The following TRPM3 variants were observed in gnomAD, a reference collection of about 807,000 sequenced individuals.
TRPM3 encodes long transient receptor potential channel 3.
A neutral mutation model predicts 181.2 loss-of-function variants in TRPM3; 77 were observed. That is an observed-to-expected ratio of 0.42 (90% CI 0.35 to 0.51). TRPM3 has a LOEUF of 0.51. Among genes scored for constraint, TRPM3 ranks in the 20% least tolerant of loss-of-function variants. The pLI is 0.01. For missense variants in TRPM3, 1,759 were observed against 2,196.7 expected, an observed-to-expected ratio of 0.80 and a Z score of 3.98; for synonymous variants, 745 against 796.4, an observed-to-expected ratio of 0.94 and a Z score of 1.09.
chr9:70,577,849 A>G (rs2054449645), intron 22 of TRPM3, among the ~76,000 whole-genome samples: 3 of 152,196 alleles, frequency 2.0e-5, no homozygotes, highest in South Asian at 4.1e-4. Context: ...TGCACCATAT[A>G]TAGTTCCTTC....
chr9:71,330,445 T>A (rs1222159500), intron 1 of TRPM3, among the ~76,000 whole-genome samples: 1 of 151,812 alleles, frequency 6.6e-6, no homozygotes, highest in Non-Finnish European at 1.5e-5. Context: ...AGAAAAGAGA[T>A]AATGAGCATA....
intron 5 of TRPM3, among the ~76,000 whole-genome samples, chr9:70,840,487 A>C (rs143732297): frequency 6.6e-6 from 1 of 152,226 alleles, no homozygotes; most frequent in African/African-American, 2.4e-5. Context: ...CATTTACTGA[A>C]CATTTTTCTG....
intron 1 of TRPM3, among the ~76,000 whole-genome samples, chr9:71,206,203 C>T (rs1171471846): frequency 6.6e-6 from 1 of 152,146 alleles, no homozygotes. Context: ...CTAATTTACA[C>T]TCCCACCAAC....
intron 1 of TRPM3, among the ~76,000 whole-genome samples, chr9:71,190,460 GACA>G (rs997181287): frequency 6.6e-6 from 1 of 151,810 alleles, no homozygotes; most frequent in African/African-American, 2.4e-5. Context: ...TTAGTTCAAT[GACA>G]ACAATCTTTT....
intron 1 of TRPM3, among the ~76,000 whole-genome samples, chr9:71,212,547 T>C (rs1437183659): frequency 6.6e-6 from 1 of 152,154 alleles, no homozygotes; most frequent in Non-Finnish European, 1.5e-5. Context: ...ATGTGCACCA[T>C]GGATCAAGAA....
In TRPM3 at chr9:71,364,553, A is replaced by C. The variant is rs2092270116; in HGVS notation, c.183+82100T>G. Among the ~76,000 whole-genome samples the C allele has an allele frequency of 2.6e-5, 4 of 152,236 alleles. 1 individual carries two copies. The highest frequency in any genetic ancestry group is 2.6e-4 in the Admixed American group (4 of 15,280). On this transcript the variant is annotated intron_variant, in intron 1 of 24. Transcript: ENST00000357533. The stretch of plus-strand genomic sequence containing the variant: ...AGAACCCAACTGGTTATTCCAAATG[A>C]CTATAAAGAATCATAAATCCTCTTA...
intron 1 of TRPM3, among the ~76,000 whole-genome samples, chr9:71,275,131 T>A (rs2084094062): frequency 6.6e-6 from 1 of 152,228 alleles, no homozygotes; most frequent in Non-Finnish European, 1.5e-5. Flanking sequence ...TACTATGATA[T>A]AATTGTGTTT....
At chr9:71,396,036 C>T (rs368819760) in intron 1 of TRPM3, among the ~76,000 whole-genome samples, 6 of 151,938 alleles carry the variant, frequency 3.9e-5, no homozygotes, top group Non-Finnish European at 4.4e-5. Flanking sequence ...AATGAGAGAA[C>T]GGCTTTGAAG....
chr9:71,171,687 G>A (rs1281882073), intron 1 of TRPM3, among the ~76,000 whole-genome samples: 1 of 152,046 alleles, frequency 6.6e-6, no homozygotes, highest in Non-Finnish European at 1.5e-5. Flanking sequence ...AGGGTGTGTT[G>A]GAGCTCAAAG....
intron 1 of TRPM3, among the ~76,000 whole-genome samples, chr9:71,181,701 T>C (rs887279812): frequency 6.6e-6 from 1 of 152,282 alleles, no homozygotes; most frequent in Non-Finnish European, 1.5e-5. Flanking sequence ...CACTGTCCTT[T>C]AGCAACAGAG....
chr9:71,164,072 G>C (rs1052035562), intron 1 of TRPM3, among the ~76,000 whole-genome samples: 2 of 152,032 alleles, frequency 1.3e-5, no homozygotes, highest in African/African-American at 2.4e-5. Flanking sequence ...AGGATGCAGG[G>C]GCACCTCCTG....
intron 1 of TRPM3, among the ~76,000 whole-genome samples, chr9:71,280,665 C>T (rs1000203115): frequency 1.1e-4 from 17 of 152,200 alleles, no homozygotes; most frequent in Admixed American, 1.1e-3. Flanking sequence ...AACACTTACT[C>T]AGTGATACAA....
chr9:71,372,415 T>A (rs2092545365), intron 1 of TRPM3, among the ~76,000 whole-genome samples: 1 of 152,188 alleles, frequency 6.6e-6, no homozygotes, highest in Non-Finnish European at 1.5e-5. Flanking sequence ...CACACTGTCT[T>A]CCACAATAGC....
At chr9:70,554,362 C>T (rs1054681424) in intron 22 of TRPM3, among the ~76,000 whole-genome samples, 24 of 152,230 alleles carry the variant, frequency 1.6e-4, no homozygotes, top group African/African-American at 5.1e-4. Context: ...GTGGGAGGAG[C>T]ACCAAGAGGT....
At chr9:71,115,227 G>A (rs979003457) in intron 1 of TRPM3, among the ~76,000 whole-genome samples, 9 of 134,590 alleles carry the variant, frequency 6.7e-5, no homozygotes, top group African/African-American at 2.2e-4. Context: ...TTTTTTCAAC[G>A]TGGGGTCCTT....
chr9:70,657,261 C>A (rs2133876619), intron 9 of TRPM3, among the ~76,000 whole-genome samples: 1 of 136,816 alleles, frequency 7.3e-6, no homozygotes, highest in African/African-American at 2.6e-5. Context: ...ATGAAATTTT[C>A]TTAAGGAATG....
chr9:71,244,331 C>T (rs1363288031), intron 1 of TRPM3, among the ~76,000 whole-genome samples: 1 of 152,154 alleles, frequency 6.6e-6, no homozygotes, highest in African/African-American at 2.4e-5. Flanking sequence ...ATAAAACTAA[C>T]TCCACACTCT....
intron 5 of TRPM3, among the ~76,000 whole-genome samples, chr9:70,834,053 G>T (rs762924382): frequency 7.2e-5 from 11 of 152,202 alleles, no homozygotes; most frequent in Non-Finnish European, 1.5e-5. Context: ...CAGGGACACT[G>T]GCTAGTTACT....
At chr9:70,657,196 G>C (rs1589877389) in intron 9 of TRPM3, among the ~76,000 whole-genome samples, 1 of 103,112 alleles carries the variant, frequency 9.7e-6, no homozygotes, top group Non-Finnish European at 1.8e-5. Context: ...TTGGGCTTGA[G>C]GTAAAAAAAA....
Sources: allele counts gnomAD v4.1 joint callset (sites outside exome capture counted in the v4.1 genomes callset), GRCh38; gene constraint gnomAD v4.1.1; transcripts MANE v1.5; gene names NCBI Gene and HGNC (gene_info 2026-07-23, HGNC 2026-07-21).